The following AFF3 variants were observed in gnomAD, a reference collection of about 807,000 sequenced individuals.
AFF3 encodes the protein AF4/FMR2 family member 3.
In AFF3, 32 loss-of-function variants were observed where a neutral mutation model predicts 129.7. That is an observed-to-expected ratio of 0.25 (90% confidence interval 0.19 to 0.33). The LOEUF (loss-of-function observed/expected upper bound fraction) is 0.33, where lower values mean the gene tolerates loss of function less well. Ranked by LOEUF, AFF3 falls within the 10% of genes least tolerant of loss-of-function variation. The pLI is 1.00. For missense variants in AFF3, 1,373 were observed against 1,592.0 expected (o/e 0.86, Z 2.34); for synonymous variants, 644 against 635.4 (o/e 1.01, Z -0.20).
At chr2:100,008,028 T>C (rs17023415) in intron 5 of AFF3, 6,568 of 153,544 alleles carry the variant, frequency 0.043, 188 homozygotes, top group Non-Finnish European at 0.06. Context: ...GTGTTGCAGC[T>C]AAAACAGATT....
chr2:100,038,039 AT>A (rs551982300), intron 4 of AFF3, among the ~76,000 whole-genome samples: 27 of 151,834 alleles, frequency 1.8e-4, no homozygotes, highest in Non-Finnish European at 3.7e-4. Context: ...GTCAATTATT[AT>A]TTCAAATTAG....
chr2:99,990,959 T>C (rs6719214), intron 7 of AFF3, among the ~76,000 whole-genome samples: 19,323 of 152,000 alleles, frequency 0.13, 1,465 homozygotes, highest in Non-Finnish European at 0.15. Flanking sequence ...TGAACCACCA[T>C]GGACCCCAAA....
At chr2:99,737,560 G>A (rs560390054) in intron 10 of AFF3, among the ~76,000 whole-genome samples, 4 of 151,862 alleles carry the variant, frequency 2.6e-5, no homozygotes, top group Non-Finnish European at 5.9e-5. Flanking sequence ...TCAGGTGTAA[G>A]TTGGTTGAGT....
intron 7 of AFF3, among the ~76,000 whole-genome samples, chr2:99,993,955 A>G (rs1207459787): frequency 6.6e-6 from 1 of 151,004 alleles, no homozygotes; most frequent in African/African-American, 2.4e-5. Flanking sequence ...ACAGGCGCCC[A>G]CCACCATGCC....
At chr2:100,052,185 AG>A (rs1429303698) in intron 4 of AFF3, among the ~76,000 whole-genome samples, 2 of 152,248 alleles carry the variant, frequency 1.3e-5, no homozygotes, top group Non-Finnish European at 2.9e-5. Flanking sequence ...GTTTTACCAA[AG>A]AACCTTAATC....
chr2:99,568,048 A>G (rs1391534084), intron 19 of AFF3, among the ~76,000 whole-genome samples: 1 of 152,142 alleles, frequency 6.6e-6, no homozygotes, highest in Non-Finnish European at 1.5e-5. Flanking sequence ...TCACGTAAAT[A>G]AGTGTTTAAT....
intron 7 of AFF3, among the ~76,000 whole-genome samples, chr2:99,924,522 G>C (rs1696087642): frequency 6.6e-6 from 1 of 152,150 alleles, no homozygotes; most frequent in African/African-American, 2.4e-5. Context: ...GCTTAGCATA[G>C]CACCTTGTAT....
chr2:99,654,852 C>A (rs1455750467), intron 12 of AFF3, among the ~76,000 whole-genome samples: 3 of 152,156 alleles, frequency 2.0e-5, no homozygotes, highest in Non-Finnish European at 4.4e-5. Context: ...TGCTTGGGAA[C>A]ACAATCAGTA....
intron 7 of AFF3, among the ~76,000 whole-genome samples, chr2:99,978,651 A>G (rs1483013536): frequency 6.6e-6 from 1 of 152,176 alleles, no homozygotes; most frequent in African/African-American, 2.4e-5. Context: ...CTCATGTTGA[A>G]TATCATAACC....
At chr2:99,592,269 C>A (rs1316673559) in intron 15 of AFF3, among the ~76,000 whole-genome samples, 1 of 152,218 alleles carries the variant, frequency 6.6e-6, no homozygotes, top group Non-Finnish European at 1.5e-5. Flanking sequence ...GGACTCACCG[C>A]TTCCATTCCT....
chr2:99,728,426 T>C (rs1558792204), intron 10 of AFF3, among the ~76,000 whole-genome samples: 1 of 152,218 alleles, frequency 6.6e-6, no homozygotes, highest in Non-Finnish European at 1.5e-5. Context: ...CATTGTACCA[T>C]ACCCCTTTTG....
chr2:100,138,401 G>A (rs544301547), intron 1 of AFF3, among the ~76,000 whole-genome samples: 2 of 152,166 alleles, frequency 1.3e-5, no homozygotes, highest in Non-Finnish European at 2.9e-5. Context: ...TTCCATTCCT[G>A]TGGTTCTTAA....
chr2:100,078,334 T>A (rs1688758844), intron 4 of AFF3, among the ~76,000 whole-genome samples: 1 of 152,004 alleles, frequency 6.6e-6, no homozygotes, highest in Admixed American at 6.6e-5. Context: ...CTAAGGAGAG[T>A]TTTTACTACC....
intron 8 of AFF3, among the ~76,000 whole-genome samples, chr2:99,763,489 C>T (rs1442652291): frequency 1.3e-5 from 2 of 152,072 alleles, no homozygotes; most frequent in African/African-American, 2.4e-5. Context: ...TCTAGGTTTC[C>T]GTGAACTATG....
intron 4 of AFF3, among the ~76,000 whole-genome samples, chr2:100,022,334 G>A (rs1344046272): frequency 6.6e-6 from 1 of 152,122 alleles, no homozygotes; most frequent in Non-Finnish European, 1.5e-5. Context: ...TTGCAAAGAG[G>A]ACATGAAGTC....
intron 11 of AFF3, among the ~76,000 whole-genome samples, chr2:99,719,050 CTTTTTTTT>C (rs554515502): frequency 1.2e-4 from 13 of 108,184 alleles, no homozygotes; most frequent in African/African-American, 4.3e-4. Context: ...CGCGCCCGGC[CTTTTTTTT>C]TTTTTTTTTT....
chr2:100,003,174 A>G (rs1001263725), intron 7 of AFF3, among the ~76,000 whole-genome samples: 1 of 152,110 alleles, frequency 6.6e-6, no homozygotes, highest in Admixed American at 6.5e-5. Context: ...CAAAGGTGAG[A>G]TATTTTCTAT....
chr2:99,680,911 C>T (rs1485594980), intron 11 of AFF3, among the ~76,000 whole-genome samples: 1 of 152,208 alleles, frequency 6.6e-6, no homozygotes, highest in Non-Finnish European at 1.5e-5. Context: ...AGCGTTCACA[C>T]ATTACCTGAG....
chr2:99,918,010 A>G (rs1695592545), intron 7 of AFF3, among the ~76,000 whole-genome samples: 1 of 151,862 alleles, frequency 6.6e-6, no homozygotes, highest in African/African-American at 2.4e-5. Flanking sequence ...TGCACAATCA[A>G]TTCTGATAGA....
Sources: allele counts gnomAD v4.1 joint callset (sites outside exome capture counted in the v4.1 genomes callset), GRCh38; gene constraint gnomAD v4.1.1; transcripts MANE v1.5; gene names NCBI Gene and HGNC (gene_info 2026-07-23, HGNC 2026-07-21).